Variants in BANK1 observed in about 807,000 individuals in gnomAD.
The protein encoded by BANK1 is B-cell scaffold protein with ankyrin repeats.
BANK1 carries 95 observed loss-of-function variants against 94.5 expected under a neutral mutation model. The observed-to-expected ratio is 1.00, with a 90% CI of 0.85 to 1.19. BANK1 has a LOEUF of 1.19. Ranked by LOEUF, BANK1 falls within the 50% of genes most tolerant of loss-of-function variation. The pLI is 0.00. For missense variants in BANK1, 987 were observed against 932.2 expected, an observed-to-expected ratio of 1.06 and a Z score of -0.77; for synonymous variants, 334 against 308.4, an observed-to-expected ratio of 1.08 and a Z score of -0.87.
At chr4:101,853,758 C>G (rs1727581635) in intron 2 of BANK1, among the ~76,000 whole-genome samples, 1 of 152,074 alleles carries the variant, frequency 6.6e-6, no homozygotes, top group African/African-American at 2.4e-5. Context: ...TGGGGCAAGG[C>G]ATTTTCAGAA....
chr4:101,966,446 T>C (rs559109229), intron 7 of BANK1, among the ~76,000 whole-genome samples: 19 of 152,194 alleles, frequency 1.2e-4, no homozygotes, highest in African/African-American at 4.3e-4. Context: ...AATCTGGTTG[T>C]GATAGACATC....
intron 1 of BANK1, among the ~76,000 whole-genome samples, chr4:101,827,546 A>G (rs1236009762): frequency 6.6e-6 from 1 of 151,964 alleles, no homozygotes; most frequent in Non-Finnish European, 1.5e-5. Context: ...TCAAGTTAAA[A>G]TGTGCGTTTT....
At position 101,994,363 on chromosome 4, in the gene BANK1, C is replaced by CA. The variant is rs938227871; in HGVS notation, c.1207-27149dup. ...AAACAAAACATCTGGAGGATTTCTG[C>CA]AAGGCGAGGATTCACTCATAAATGA... On this transcript the variant is annotated intron_variant, in intron 7 of 16. Coordinates refer to ENST00000322953, the MANE Select transcript of BANK1 (RefSeq NM_017935.5). Among the ~76,000 whole-genome samples the CA allele has an allele frequency of 8.9e-4, 135 of 152,232 alleles. 1 individual carries two copies. Among genetic ancestry groups the CA allele is most frequent in the African/African-American group, 3.1e-3 (128 of 41,528 alleles).
chr4:101,939,551 G>A (rs1723674177), intron 7 of BANK1, among the ~76,000 whole-genome samples: 1 of 151,700 alleles, frequency 6.6e-6, no homozygotes, highest in African/African-American at 2.4e-5. Flanking sequence ...TGGCAGGGGA[G>A]TAGAGAGACA....
intron 7 of BANK1, among the ~76,000 whole-genome samples, chr4:102,015,553 A>G (rs1001888267): frequency 8.5e-5 from 13 of 152,328 alleles, no homozygotes; most frequent in Admixed American, 7.2e-4. Flanking sequence ...AATTGCATAG[A>G]AAATGTGATT....
chr4:101,820,391 G>T (rs1379190102), intron 1 of BANK1, among the ~76,000 whole-genome samples: 1 of 152,192 alleles, frequency 6.6e-6, no homozygotes, highest in Non-Finnish European at 1.5e-5. Flanking sequence ...ACCAGTGAGG[G>T]ATGTTGGCAT....
intron 7 of BANK1, among the ~76,000 whole-genome samples, chr4:102,011,855 T>C (rs1726522550): frequency 6.6e-6 from 1 of 152,108 alleles, no homozygotes; most frequent in Admixed American, 6.5e-5. Context: ...TAGAAATAAT[T>C]TTTAATAGGT....
intron 5 of BANK1, among the ~76,000 whole-genome samples, chr4:101,887,025 G>A (rs956374923): frequency 6.6e-6 from 1 of 152,134 alleles, no homozygotes; most frequent in Non-Finnish European, 1.5e-5. Flanking sequence ...TTGCCCAATG[G>A]CATGGCATGG....
At chr4:101,802,979 A>AT in intron 1 of BANK1, among the ~76,000 whole-genome samples, 1 of 152,148 alleles carries the variant, frequency 6.6e-6, no homozygotes, top group Non-Finnish European at 1.5e-5. Flanking sequence ...TGGAAAAAAA[A>AT]TTTCTGTGGT....
At chr4:101,867,760 AT>A (rs940513372) in intron 4 of BANK1, among the ~76,000 whole-genome samples, 7 of 132,094 alleles carry the variant, frequency 5.3e-5, no homozygotes, top group South Asian at 2.2e-4. Flanking sequence ...ATTAAAAAAA[AT>A]AAATATAAAT....
intron 7 of BANK1, among the ~76,000 whole-genome samples, chr4:102,018,173 AT>A (rs1396816625): frequency 2.0e-5 from 3 of 152,140 alleles, no homozygotes; most frequent in African/African-American, 7.2e-5. Flanking sequence ...TACTTTTAAT[AT>A]TTAGTAAGAA....
intron 2 of BANK1, among the ~76,000 whole-genome samples, chr4:101,847,670 A>G (rs1352133314): frequency 4.0e-5 from 6 of 151,212 alleles, no homozygotes; most frequent in East Asian, 1.9e-4. Context: ...ATAGTCTCCA[A>G]TCTCATCCAG....
chr4:101,917,546 C>A (rs1282906338), intron 6 of BANK1, among the ~76,000 whole-genome samples: 1 of 151,634 alleles, frequency 6.6e-6, no homozygotes. Context: ...TAATATAACC[C>A]CTCAAAGAAT....
chr4:101,878,136 ACTCTT>A (rs1301740470), intron 5 of BANK1, among the ~76,000 whole-genome samples: 1 of 152,114 alleles, frequency 6.6e-6, no homozygotes, highest in Non-Finnish European at 1.5e-5. Context: ...AATGGACTAA[ACTCTT>A]CAATCAAAAG....
chr4:102,034,158 C>G (rs1333794816), intron 10 of BANK1, among the ~76,000 whole-genome samples: 4 of 152,004 alleles, frequency 2.6e-5, no homozygotes, highest in African/African-American at 7.3e-5. Flanking sequence ...AAAATGGTAT[C>G]AGTATATTGG....
intron 7 of BANK1, among the ~76,000 whole-genome samples, chr4:102,003,370 G>A (rs1196446464): frequency 6.6e-6 from 1 of 152,136 alleles, no homozygotes; most frequent in Non-Finnish European, 1.5e-5. Flanking sequence ...TTCAGTTAGG[G>A]CAGCTCAAAA....
chr4:101,791,041 C>T (rs1393628834), intron 1 of BANK1, 91 bp downstream of exon 1: 3 of 1,076,506 alleles, frequency 2.8e-6, no homozygotes, highest in South Asian at 1.7e-5. Flanking sequence ...CAACTGCACT[C>T]GGGCACTGAG....
In BANK1 at chr4:102,055,106, A is replaced by T. The variant is rs1578482757; in HGVS notation, c.1970-5105A>T. On this transcript the variant is annotated intron_variant, in intron 11 of 16. Transcript: ENST00000322953. ...GTCAAGTGATAAATAAAAAGTAAAA[A>T]TATCACTAGACTAATGACCAAGGAA... Among the ~76,000 whole-genome samples, 4 of 152,088 alleles carry T rather than the reference A, an allele frequency of 2.6e-5. No homozygotes were observed. In the South Asian group the frequency reaches 8.3e-4, roughly 31 times the overall value.
At chr4:101,885,346 C>T (rs890866129) in intron 5 of BANK1, among the ~76,000 whole-genome samples, 1 of 152,014 alleles carries the variant, frequency 6.6e-6, no homozygotes, top group Non-Finnish European at 1.5e-5. Context: ...GTCCCTTCTC[C>T]TTCTCTCCAG....
Sources: allele counts gnomAD v4.1 joint callset (sites outside exome capture counted in the v4.1 genomes callset), GRCh38; gene constraint gnomAD v4.1.1; transcripts MANE v1.5; gene names NCBI Gene and HGNC (gene_info 2026-07-23, HGNC 2026-07-21).